The following OR6C1 variants were observed in gnomAD, a reference collection of about 807,000 sequenced individuals.
OR6C1 encodes olfactory receptor family 6 subfamily C member 1.
For synonymous variants in OR6C1, 157 were observed against 133.3 expected, an observed-to-expected ratio of 1.18 and a Z score of -1.22; for missense variants, 386 against 366.1, an observed-to-expected ratio of 1.05 and a Z score of -0.44.
chr12:55,320,036 G>T (rs554822384), intron 1 of OR6C1, among the ~76,000 whole-genome samples: 3 of 152,064 alleles, frequency 2.0e-5, no homozygotes, highest in African/African-American at 7.2e-5. Flanking sequence ...AGCTACTCAG[G>T]AGACTGAGGC....
intron 1 of OR6C1, among the ~76,000 whole-genome samples, chr12:55,317,849 A>G (rs913886211): frequency 1.3e-5 from 2 of 150,556 alleles, no homozygotes; most frequent in African/African-American, 4.9e-5. Flanking sequence ...TGTTGTAGAA[A>G]TAAGAACAAA....
At position 55,318,512 on chromosome 12, in the gene OR6C1, T is replaced by G. The variant is rs561890690; in HGVS notation, c.-33-2055T>G. Among the ~76,000 whole-genome samples, 4 of 151,686 alleles carry G rather than the reference T, an allele frequency of 2.6e-5. No individual in the cohort carries two copies. The South Asian group carries it at 8.3e-4, about 31-fold the overall frequency. ...GACACCATCCCATTTCCAGAGATTT[T>G]CAGCTCAATGGTTAGGAAATACTTT... On this transcript the variant is annotated intron_variant, in intron 1 of 1. Transcript: ENST00000642104.
intron 1 of OR6C1, among the ~76,000 whole-genome samples, chr12:55,319,309 T>C (rs1209249570): frequency 6.6e-6 from 1 of 152,156 alleles, no homozygotes; most frequent in Non-Finnish European, 1.5e-5. Context: ...ACGTAGGAGT[T>C]GGAAAATCTG....
At position 55,320,554 on chromosome 12, in the gene OR6C1, C is replaced by A; in HGVS notation, c.-33-13C>A. On this transcript the variant is annotated splice_polypyrimidine_tract_variant and intron_variant, in intron 1 of 1. Transcript: ENST00000642104. ...TAACTCTTCAAGTTTGTTCTTTGTACTTTCTCTTGTAGGTCTGGCAGGGGA... is the reference window on the plus strand; with the variant it reads ...TAACTCTTCAAGTTTGTTCTTTGTAATTTCTCTTGTAGGTCTGGCAGGGGA... 1 of 1,139,674 alleles carries A rather than the reference C, an allele frequency of 8.8e-7. No homozygotes were observed. Among genetic ancestry groups the A allele is most frequent in the Non-Finnish European group, 1.3e-6 (1 of 782,708 alleles). The allele number at this position is 1,139,674 out of a possible 1,614,324, so 70.6% of individuals were successfully genotyped here.
At chr12:55,318,824 A>G (rs984313715) in intron 1 of OR6C1, among the ~76,000 whole-genome samples, 9 of 151,530 alleles carry the variant, frequency 5.9e-5, no homozygotes, top group African/African-American at 2.2e-4. Context: ...ATACTGAGAC[A>G]CAGAAGTGTT....
chr12:55,315,863 C>T (rs1305813599), intron 1 of OR6C1, among the ~76,000 whole-genome samples: 1 of 151,134 alleles, frequency 6.6e-6, no homozygotes, highest in Non-Finnish European at 1.5e-5. Flanking sequence ...AAATAATTTT[C>T]TTTTTCATTA....
rs1197390285 is a variant in OR6C1, at chr12:55,321,633, A to G, written c.*95A>G. On this transcript the variant is annotated 3_prime_UTR_variant, in exon 2 of 2. Transcript: ENST00000642104. ...AAATGGCCTCCTTGCAGTCTTCTGC[A>G]TCATTTTCTTTTCCCTAAAAGTTTG... is the stretch of plus-strand genomic sequence containing the variant. 3.2e-5 allele frequency: 22 copies of G among 697,434 alleles called. No individual in the cohort carries two copies. Among genetic ancestry groups the G allele is most frequent in the Non-Finnish European group, 4.6e-5 (20 of 436,832 alleles). The allele number at this position is 697,434 out of a possible 1,614,324, so 43.2% of individuals were successfully genotyped here. A position where few individuals can be genotyped will look rare whatever the true frequency, so the allele number is the denominator to read the frequency against.
Position 55,322,280 on chromosome 12 carries a change from T to C in OR6C1, c.*742T>C, listed in dbSNP as rs1470130362. The C allele has an allele frequency of 6.6e-6, 1 of 152,010 alleles. No homozygotes were observed. The highest frequency in any genetic ancestry group is 1.5e-5 in the Non-Finnish European group (1 of 67,900). 9.4% of individuals were successfully genotyped at this position (152,010 alleles called of 1,614,324 possible). A position where few individuals can be genotyped will look rare whatever the true frequency, so the allele number is the denominator to read the frequency against. On this transcript the variant is annotated 3_prime_UTR_variant, in exon 2 of 2. Transcript: ENST00000642104. ...TCTGTGAGTGGAAAATAAGCTTCTT[T>C]CTATCATTACCTAAAAGTAGTATGT...
At position 55,320,585 on chromosome 12, in the gene OR6C1, G is replaced by C; in HGVS notation, c.-15G>C. ...CTTGTAGGTCTGGCAGGGGAAAAAAGAAAGCAACTGAAGAATGAGAAACCA... is the reference window on the plus strand; with the variant it reads ...CTTGTAGGTCTGGCAGGGGAAAAAACAAAGCAACTGAAGAATGAGAAACCA... On this transcript the variant is annotated 5_prime_UTR_variant, in exon 2 of 2. Transcript: ENST00000642104. 6.8e-7 allele frequency: 1 copy of C among 1,480,184 alleles called. No homozygotes were observed. The highest frequency in any genetic ancestry group is 9.3e-7 in the Non-Finnish European group (1 of 1,078,672). The allele number at this position is 1,480,184 out of a possible 1,614,324, so 91.7% of individuals were successfully genotyped here. A position where few individuals can be genotyped will look rare whatever the true frequency, so the allele number is the denominator to read the frequency against.
chr12:55,317,416 C>A (rs1033291274), intron 1 of OR6C1, among the ~76,000 whole-genome samples: 1 of 151,924 alleles, frequency 6.6e-6, no homozygotes, highest in Non-Finnish European at 1.5e-5. Context: ...CTTTTCATAT[C>A]TTTTGTTTTA....
intron 1 of OR6C1, 129 bp from the exon 2 acceptor site, chr12:55,320,438 T>C (rs1868510747): frequency 3.4e-6 from 2 of 585,964 alleles, no homozygotes; most frequent in Middle Eastern, 4.5e-4. Context: ...ACCACTGTTA[T>C]TATCGGGTGG....
At chr12:55,316,949 T>C (rs1390842177) in intron 1 of OR6C1, among the ~76,000 whole-genome samples, 2 of 151,746 alleles carry the variant, frequency 1.3e-5, no homozygotes, top group Non-Finnish European at 2.9e-5. Flanking sequence ...ACAGCTTTCA[T>C]CTGAAGCAAA....
At chr12:55,315,621 G>A (rs1214452358) in intron 1 of OR6C1, among the ~76,000 whole-genome samples, 1 of 151,550 alleles carries the variant, frequency 6.6e-6, no homozygotes, top group Non-Finnish European at 1.5e-5. Flanking sequence ...TATTTCTCCG[G>A]GGAAATAGTC....
At chr12:55,318,624 A>G (rs1486801738) in intron 1 of OR6C1, among the ~76,000 whole-genome samples, 1 of 147,968 alleles carries the variant, frequency 6.8e-6, no homozygotes, top group Non-Finnish European at 1.5e-5. Flanking sequence ...ACAATATATA[A>G]TAAATTTATT....
Position 55,321,813 on chromosome 12 carries a change from A to G in OR6C1, c.*275A>G. Reference sequence around the variant, plus strand: ...TATTCTTCAGTTTACTTCAAGAAATAAAATTATACCTAGATACATTGGAAT... The same window carrying G: ...TATTCTTCAGTTTACTTCAAGAAATGAAATTATACCTAGATACATTGGAAT... On this transcript the variant is annotated 3_prime_UTR_variant, in exon 2 of 2. Transcript: ENST00000642104. 3.8e-6 allele frequency: 1 copy of G among 265,584 alleles called. No individual in the cohort carries two copies. Among genetic ancestry groups the G allele is most frequent in the Non-Finnish European group, 7.1e-6 (1 of 141,274 alleles). The allele number at this position is 265,584 out of a possible 1,614,324, so 16.5% of individuals were successfully genotyped here. A position where few individuals can be genotyped will look rare whatever the true frequency, so the allele number is the denominator to read the frequency against.
rs368502194 is a variant in OR6C1 at position 55,316,820 on chromosome 12, C to T, written c.-34+2221C>T. 7.2e-5 allele frequency among the ~76,000 whole-genome samples: 11 copies of T among 151,992 alleles called. No individual in the cohort carries two copies. In the East Asian group the frequency reaches 7.7e-4, roughly 11 times the overall value. ...CACATGCTACTAGAGTTCCTTTAAG[C>T]CTGTTTCCCTAGTCTTTGAAGACCA... is the stretch of plus-strand genomic sequence containing the variant. On this transcript the variant is annotated intron_variant, in intron 1 of 1. Transcript: ENST00000642104.
At position 55,321,608 on chromosome 12, in the gene OR6C1, A is replaced by G; in HGVS notation, c.*70A>G. 9.6e-7 allele frequency: 1 copy of G among 1,036,564 alleles called. No individual in the cohort carries two copies. Among genetic ancestry groups the G allele is most frequent in the South Asian group, 1.7e-5 (1 of 59,654 alleles). 64.2% of individuals were successfully genotyped at this position (1,036,564 alleles called of 1,614,324 possible). A position where few individuals can be genotyped will look rare whatever the true frequency, so the allele number is the denominator to read the frequency against. On this transcript the variant is annotated 3_prime_UTR_variant, in exon 2 of 2. Coordinates refer to ENST00000642104, the MANE Select transcript of OR6C1 (RefSeq NM_001005182.2). Reference sequence around the variant, plus strand: ...GAATTTTCAGTAGCTTCTTCAATCAAAATGGCCTCCTTGCAGTCTTCTGCA... The same window carrying G: ...GAATTTTCAGTAGCTTCTTCAATCAGAATGGCCTCCTTGCAGTCTTCTGCA...
intron 1 of OR6C1, among the ~76,000 whole-genome samples, chr12:55,315,997 A>C (rs1398390077): frequency 6.6e-6 from 1 of 151,660 alleles, no homozygotes; most frequent in East Asian, 1.9e-4. Flanking sequence ...GAAAGAACTG[A>C]GTAAACACAG....
At chr12:55,316,867 T>C (rs1433123945) in intron 1 of OR6C1, among the ~76,000 whole-genome samples, 1 of 151,908 alleles carries the variant, frequency 6.6e-6, no homozygotes, top group Non-Finnish European at 1.5e-5. Flanking sequence ...GTCTATTTTT[T>C]TTGTGAAGTC....
Sources: gnomAD v4.1 joint callset for allele counts (sites outside exome capture counted in the v4.1 genomes callset) on GRCh38, gnomAD v4.1.1 for gene constraint, MANE v1.5 for transcripts, NCBI Gene and HGNC (gene_info 2026-07-23, HGNC 2026-07-21) for gene names.